Variants in GNAQ observed in about 807,000 individuals in gnomAD.
GNAQ encodes G protein subunit alpha q.
In GNAQ, 8 loss-of-function variants were observed where a neutral mutation model predicts 43.9. The ratio of observed to expected loss-of-function variants is 0.18; its 90% confidence interval spans 0.11 to 0.33. The LOEUF is 0.33. GNAQ is among the 10% of genes least tolerant of loss of function. The probability of loss-of-function intolerance (pLI) is 1.00; values close to 1 mark genes in which losing one functional copy is unlikely to be tolerated. For missense variants in GNAQ, 158 were observed against 450.8 expected, an observed-to-expected ratio of 0.35 and a Z score of 5.88; for synonymous variants, 155 against 170.7, an observed-to-expected ratio of 0.91 and a Z score of 0.71.
At chr9:77,927,844 A>AC (rs1239404696) in intron 1 of GNAQ, among the ~76,000 whole-genome samples, 1 of 152,030 alleles carries the variant, frequency 6.6e-6, no homozygotes, top group African/African-American at 2.4e-5. Flanking sequence ...GAATGCCCCC[A>AC]CCCCACTCTC....
chr9:77,977,413 C>A (rs1357803556), intron 1 of GNAQ, among the ~76,000 whole-genome samples: 1 of 152,156 alleles, frequency 6.6e-6, no homozygotes, highest in African/African-American at 2.4e-5. Flanking sequence ...ACACAACTAT[C>A]CACACTTCCC....
At chr9:77,736,392 A>G (rs1316916774) in intron 5 of GNAQ, among the ~76,000 whole-genome samples, 1 of 152,236 alleles carries the variant, frequency 6.6e-6, no homozygotes, top group Non-Finnish European at 1.5e-5. Flanking sequence ...CAGCCGGGAT[A>G]GAAATAAGAA....
intron 1 of GNAQ, among the ~76,000 whole-genome samples, chr9:77,982,872 C>T (rs1447292367): frequency 1.3e-5 from 2 of 152,014 alleles, no homozygotes; most frequent in African/African-American, 2.4e-5. Flanking sequence ...GTGCGGCACA[C>T]ACCAACATGG....
At chr9:77,848,692 T>C (rs1218499542) in intron 2 of GNAQ, among the ~76,000 whole-genome samples, 1 of 152,208 alleles carries the variant, frequency 6.6e-6, no homozygotes, top group African/African-American at 2.4e-5. Flanking sequence ...CCTTTGCCCT[T>C]CTGAGGGCTG....
At chr9:77,951,737 G>C (rs1031560262) in intron 1 of GNAQ, among the ~76,000 whole-genome samples, 1 of 152,146 alleles carries the variant, frequency 6.6e-6, no homozygotes, top group Non-Finnish European at 1.5e-5. Flanking sequence ...CCAACCTTAC[G>C]ATTCTCTCTG....
At chr9:77,854,606 G>A (rs952590142) in intron 2 of GNAQ, among the ~76,000 whole-genome samples, 7 of 152,132 alleles carry the variant, frequency 4.6e-5, no homozygotes, top group Non-Finnish European at 1.0e-4. Flanking sequence ...TCTCTGCCCT[G>A]GTCTGCCCTA....
chr9:77,958,597 T>C (rs1250170210), intron 1 of GNAQ, among the ~76,000 whole-genome samples: 1 of 152,238 alleles, frequency 6.6e-6, no homozygotes, highest in Non-Finnish European at 1.5e-5. Context: ...TTAGGTTAAA[T>C]TATTTGCTAA....
intron 5 of GNAQ, among the ~76,000 whole-genome samples, chr9:77,751,743 G>C (rs12336735): frequency 0.038 from 5,746 of 152,166 alleles, 332 homozygotes; most frequent in African/African-American, 0.12. Context: ...TTTGATGGCT[G>C]TTGCTAGGAC....
intron 3 of GNAQ, among the ~76,000 whole-genome samples, chr9:77,808,116 A>G (rs1201886720): frequency 1.3e-5 from 2 of 152,134 alleles, no homozygotes; most frequent in African/African-American, 2.4e-5. Flanking sequence ...CGTCCTGATA[A>G]AATGTGAGCA....
intron 1 of GNAQ, among the ~76,000 whole-genome samples, chr9:78,028,309 A>G (rs1331924783): frequency 2.0e-5 from 3 of 152,116 alleles, no homozygotes; most frequent in Non-Finnish European, 4.4e-5. Context: ...TAAAGTTAAA[A>G]TAAAAATATA....
intron 5 of GNAQ, among the ~76,000 whole-genome samples, chr9:77,743,029 G>C (rs1825677411): frequency 6.6e-6 from 1 of 152,194 alleles, no homozygotes; most frequent in South Asian, 2.1e-4. Context: ...GGAGGCCAAG[G>C]TGGGTGGATC....
chr9:77,899,703 GAAAGACAGCAGAGGTCAGAGGCA>G (rs1001340305), intron 2 of GNAQ, among the ~76,000 whole-genome samples: 16 of 152,108 alleles, frequency 1.1e-4, no homozygotes, highest in African/African-American at 3.4e-4. Flanking sequence ...GGTCAGAGGC[GAAAGACAGCAGAGGTCAGAGGCA>G]AAAGACCATC....
At chr9:77,915,884 T>C (rs1828894826) in intron 2 of GNAQ, among the ~76,000 whole-genome samples, 1 of 152,236 alleles carries the variant, frequency 6.6e-6, no homozygotes, top group South Asian at 2.1e-4. Context: ...GCAGTGAAGA[T>C]GTGTAATTTG....
At chr9:77,990,683 A>G (rs12336512) in intron 1 of GNAQ, among the ~76,000 whole-genome samples, 2,390 of 152,338 alleles carry the variant, frequency 0.016, 61 homozygotes, top group African/African-American at 0.053. Flanking sequence ...ATGTGAATCT[A>G]ATGTTATCAG....
intron 2 of GNAQ, among the ~76,000 whole-genome samples, chr9:77,857,389 GT>G (rs1827772186): frequency 6.6e-6 from 1 of 152,006 alleles, no homozygotes; most frequent in African/African-American, 2.4e-5. Flanking sequence ...CTAGATCTTT[GT>G]TTAACTTGCA....
At chr9:77,965,838 CA>C (rs34650547) in intron 1 of GNAQ, among the ~76,000 whole-genome samples, 39,362 of 129,524 alleles carry the variant, frequency 0.3, 5,209 homozygotes, top group South Asian at 0.45. Context: ...TTACTCCGAG[CA>C]AAAAAAAAAA....
chr9:77,936,665 A>G (rs1008984337), intron 1 of GNAQ, among the ~76,000 whole-genome samples: 1 of 152,204 alleles, frequency 6.6e-6, no homozygotes, highest in Non-Finnish European at 1.5e-5. Flanking sequence ...AGGCATCACT[A>G]AGTTGGGTGA....
intron 1 of GNAQ, among the ~76,000 whole-genome samples, chr9:77,940,261 A>G (rs1363946799): frequency 1.3e-5 from 2 of 152,116 alleles, no homozygotes; most frequent in Non-Finnish European, 2.9e-5. Context: ...AAGTGTATGA[A>G]CTCCCATAAC....
intron 2 of GNAQ, among the ~76,000 whole-genome samples, chr9:77,817,027 G>T (rs1827027555): frequency 6.6e-6 from 1 of 152,114 alleles, no homozygotes; most frequent in South Asian, 2.1e-4. Flanking sequence ...GCTCTTGCTG[G>T]TATTCTGATT....
Sources: gnomAD v4.1 joint callset for allele counts (sites outside exome capture counted in the v4.1 genomes callset) on GRCh38, gnomAD v4.1.1 for gene constraint, MANE v1.5 for transcripts, NCBI Gene and HGNC (gene_info 2026-07-23, HGNC 2026-07-21) for gene names.